The following CECR2 variants were observed in gnomAD, a reference collection of about 807,000 sequenced individuals.
CECR2 encodes chromatin remodeling regulator CECR2.
A neutral mutation model predicts 154.5 loss-of-function variants in CECR2; 30 were observed. The ratio of observed to expected loss-of-function variants is 0.19; its 90% CI spans 0.15 to 0.26. The LOEUF is 0.26. Among genes scored for constraint, CECR2 ranks in the 10% least tolerant of loss-of-function variants. CECR2 has a pLI of 1.00. For missense variants in CECR2, 1,743 were observed against 1,829.3 expected, an observed-to-expected ratio of 0.95 and a Z score of 0.86; for synonymous variants, 725 against 683.7, an observed-to-expected ratio of 1.06 and a Z score of -0.94.
chr22:17,367,894 C>G (rs925051350), upstream of CECR2, among the ~76,000 whole-genome samples: 1 of 152,130 alleles, frequency 6.6e-6, no homozygotes, highest in African/African-American at 2.4e-5. Context: ...TGGGAGCAGT[C>G]ACATGTGAGC....
At chr22:17,501,087 A>G (rs2055729449) in intron 5 of CECR2, among the ~76,000 whole-genome samples, 1 of 152,202 alleles carries the variant, frequency 6.6e-6, no homozygotes, top group Non-Finnish European at 1.5e-5. Flanking sequence ...CTTCTAGGAA[A>G]TTTCACCATG....
intron 1 of CECR2, among the ~76,000 whole-genome samples, chr22:17,391,411 T>G (rs1234908962): frequency 2.0e-5 from 3 of 152,214 alleles, no homozygotes; most frequent in Non-Finnish European, 4.4e-5. Context: ...GTGAAGTAAT[T>G]ACAACAGAGA....
intron 8 of CECR2, among the ~76,000 whole-genome samples, chr22:17,515,032 A>AT (rs1480050020): frequency 5.3e-5 from 8 of 152,098 alleles, no homozygotes; most frequent in Non-Finnish European, 5.9e-5. Context: ...CAAAAAAAAA[A>AT]AAAAAGAAAA....
At chr22:17,427,889 G>C (rs146156618) in intron 1 of CECR2, among the ~76,000 whole-genome samples, 1,745 of 152,226 alleles carry the variant, frequency 0.011, 43 homozygotes, top group African/African-American at 0.04. Context: ...CTAGATCCTT[G>C]AGAAATCGCC....
rs75130826 is a variant in CECR2, at chr22:17,452,254, G to T, written c.127-25334G>T. On this transcript the variant is annotated intron_variant, in intron 1 of 18. Transcript: ENST00000262608. Reference sequence around the variant, plus strand: ...CGCCAGACTAATTTTTGTATTTTTCGTAGAGACAGGGTTTCACCATGTTCT... The same window carrying T: ...CGCCAGACTAATTTTTGTATTTTTCTTAGAGACAGGGTTTCACCATGTTCT... 5.6e-3 allele frequency among the ~76,000 whole-genome samples: 856 copies of T among 152,180 alleles called. 22 individuals carry two copies. The highest frequency in any genetic ancestry group is 0.046 in the Admixed American group (706 of 15,268).
chr22:17,375,765 A>G (rs998673710), intron 1 of CECR2, among the ~76,000 whole-genome samples: 19 of 151,842 alleles, frequency 1.3e-4, no homozygotes, highest in Non-Finnish European at 2.5e-4. Flanking sequence ...GACCAGCCTG[A>G]CCAATATGAT....
rs695485 is a variant in CECR2 at position 17,556,977 on chromosome 22, A to AG, written c.*4138dup. 128,286 of 152,070 alleles carry AG rather than the reference A, an allele frequency of 0.84. 54,453 individuals are homozygous for AG. Among genetic ancestry groups the AG allele is most frequent in the African/African-American group, 0.89 (37,015 of 41,476 alleles). 9.4% of individuals were successfully genotyped at this position (152,070 alleles called of 1,614,324 possible). ...TATTCGTGGACTCACATCACTGCAT[A>AG]GCACAAAGAATGTGATTGCCATTTG... On this transcript the variant is annotated 3_prime_UTR_variant, in exon 19 of 19. Transcript: ENST00000262608.
upstream of CECR2, among the ~76,000 whole-genome samples, chr22:17,369,162 G>A (rs932516704): frequency 1.1e-3 from 172 of 151,930 alleles, 2 homozygotes; most frequent in Non-Finnish European, 2.1e-4. Context: ...CCAAGTGGGG[G>A]TGGGAGAGCT....
chr22:17,485,595 C>T (rs1184560972), intron 2 of CECR2, among the ~76,000 whole-genome samples: 1 of 152,002 alleles, frequency 6.6e-6, no homozygotes, highest in Non-Finnish European at 1.5e-5. Flanking sequence ...ATGGTGAAAC[C>T]CCGGCTCTAC....
At chr22:17,436,270 A>G (rs796969144) in intron 1 of CECR2, among the ~76,000 whole-genome samples, 6 of 152,196 alleles carry the variant, frequency 3.9e-5, no homozygotes, top group African/African-American at 1.2e-4. Flanking sequence ...TAGTTTCTTG[A>G]TGTACCATTT....
chr22:17,518,579 T>C, intron 8 of CECR2: 1 of 329,346 alleles, frequency 3.0e-6, no homozygotes. Context: ...CTTCCTTCCA[T>C]TGCAGCTGTC....
chr22:17,512,237 A>G (rs911438808), intron 8 of CECR2, among the ~76,000 whole-genome samples: 1 of 152,042 alleles, frequency 6.6e-6, no homozygotes, highest in African/African-American at 2.4e-5. Flanking sequence ...AGGCAGAGCC[A>G]TATTTGACCT....
intron 1 of CECR2, among the ~76,000 whole-genome samples, chr22:17,383,004 G>A (rs1036394873): frequency 4.6e-5 from 7 of 152,166 alleles, no homozygotes; most frequent in African/African-American, 9.7e-5. Flanking sequence ...GAGGCGGGTG[G>A]ATCATGAGGT....
intron 1 of CECR2, among the ~76,000 whole-genome samples, chr22:17,372,775 G>A (rs537817395): frequency 6.6e-6 from 1 of 152,118 alleles, no homozygotes; most frequent in African/African-American, 2.4e-5. Flanking sequence ...AACTTTAAAA[G>A]GTAAAAATGA....
At chr22:17,386,253 CGG>C (rs2063259583) in intron 1 of CECR2, among the ~76,000 whole-genome samples, 7 of 151,918 alleles carry the variant, frequency 4.6e-5, no homozygotes, top group Admixed American at 4.6e-4. Context: ...TTACTCTGAC[CGG>C]AGAGGGAGAG....
At chr22:17,385,527 C>T (rs983250364) in intron 1 of CECR2, among the ~76,000 whole-genome samples, 2 of 152,194 alleles carry the variant, frequency 1.3e-5, no homozygotes, top group African/African-American at 4.8e-5. Context: ...ATTGAGTTTG[C>T]TGTTTTATGT....
chr22:17,490,768 T>G (rs536046168), intron 2 of CECR2, among the ~76,000 whole-genome samples: 2 of 152,210 alleles, frequency 1.3e-5, no homozygotes, highest in South Asian at 4.2e-4. Flanking sequence ...TTTTTTAAAG[T>G]GTACAATTCA....
At position 17,542,801 on chromosome 22, in the gene CECR2, T is replaced by A; in HGVS notation, c.2658T>A (p.Ile886=). ...GDSMMDSPEM[I]AMQQLSSRVC... ...CCATGATGGACAGCCCAGAGATGAT[T>A]GCGATGCAGCAGCTCTCCTCCCGCG... The change falls in exon 16 of 19, where the codon ATT becomes ATA. Residue 886 remains isoleucine (I), a synonymous_variant. Coordinates refer to ENST00000262608, the MANE Select transcript of CECR2 (RefSeq NM_001290047.2). 6.2e-7 allele frequency: 1 copy of A among 1,613,890 alleles called. No individual in the cohort carries two copies. Among genetic ancestry groups the A allele is most frequent in the African/African-American group, 1.3e-5 (1 of 75,008 alleles).
At chr22:17,434,736 T>A (rs1265157545) in intron 1 of CECR2, among the ~76,000 whole-genome samples, 1 of 151,914 alleles carries the variant, frequency 6.6e-6, no homozygotes, top group African/African-American at 2.4e-5. Context: ...TCTTTTGTGG[T>A]CATTTTGGGT....
Sources: allele counts gnomAD v4.1 joint callset (sites outside exome capture counted in the v4.1 genomes callset), GRCh38; gene constraint gnomAD v4.1.1; transcripts MANE v1.5; gene names NCBI Gene and HGNC (gene_info 2026-07-23, HGNC 2026-07-21).